Variants in ABRAXAS2 observed in about 807,000 individuals in gnomAD.
ABRAXAS2 encodes BRISC complex subunit Abraxas 2.
In ABRAXAS2, 23 loss-of-function variants were observed where a neutral mutation model predicts 49.0. The ratio of observed to expected loss-of-function variants is 0.47; its 90% CI spans 0.34 to 0.66. The LOEUF (loss-of-function observed/expected upper bound fraction) is 0.66, where lower values mean the gene tolerates loss of function less well. ABRAXAS2 is among the 30% of genes least tolerant of loss of function. The pLI, the probability that ABRAXAS2 is intolerant of heterozygous loss-of-function variation, is 0.01. For synonymous variants in ABRAXAS2, 168 were observed against 180.2 expected (o/e 0.93, Z 0.54); for missense variants, 443 against 511.9 (o/e 0.87, Z 1.30).
At position 124,834,556 on chromosome 10, in the gene ABRAXAS2, C is replaced by A. The variant is rs767502502; in HGVS notation, c.833C>A (p.Ala278Glu). 6.2e-7 allele frequency: 1 copy of A among 1,614,182 alleles called. No homozygotes were observed. Among genetic ancestry groups the A allele is most frequent in the Non-Finnish European group, 8.5e-7 (1 of 1,180,024 alleles). Residue 278 changes from alanine to glutamate, a missense_variant, in exon 9 of 9, where the codon GCG becomes GAG. By Grantham distance (107) the Ala-to-Glu change is moderately radical (BLOSUM62 -1). Coordinates refer to ENST00000298492, the MANE Select transcript of ABRAXAS2 (RefSeq NM_032182.4). ...RQMPSESLDPAFSPRMPSSGF... is the reference protein window; with the variant it reads ...RQMPSESLDPEFSPRMPSSGF... ...ATGCCGTCTGAAAGCTTGGACCCAG[C>A]GTTCAGTCCTCGGATGCCGTCCTCT... is the stretch of plus-strand genomic sequence containing the variant.
rs1002331242 is a variant in ABRAXAS2 at position 124,835,179 on chromosome 10, G to A, written c.*208G>A. ...GCAAGTTTCATGACAGAATCATTAA[G>A]ATAATCAAATTGTCCTAATTCTGGT... On this transcript the variant is annotated 3_prime_UTR_variant, in exon 9 of 9. Coordinates refer to ENST00000298492, the MANE Select transcript of ABRAXAS2 (RefSeq NM_032182.4). 1.3e-5 allele frequency: 6 copies of A among 465,412 alleles called. No homozygotes were observed. Among genetic ancestry groups the A allele is most frequent in the Admixed American group, 3.8e-5 (1 of 26,002 alleles). The allele number at this position is 465,412 out of a possible 1,614,324, so 28.8% of individuals were successfully genotyped here.
At chr10:124,828,898 A>G (rs1024804827) in intron 6 of ABRAXAS2, 23 bp downstream of exon 6, 8 of 1,605,878 alleles carry the variant, frequency 5.0e-6, no homozygotes, top group Non-Finnish European at 5.9e-6. Flanking sequence ...GTAAAGTGCT[A>G]GTTTTTTCTT....
intron 1 of ABRAXAS2, among the ~76,000 whole-genome samples, chr10:124,802,735 T>C (rs1227806835): frequency 1.3e-5 from 2 of 152,248 alleles, no homozygotes; most frequent in Admixed American, 1.3e-4. Context: ...TGGGGGATTA[T>C]TTTAAGTGAT....
chr10:124,802,547 C>T (rs1046609985), intron 1 of ABRAXAS2, among the ~76,000 whole-genome samples: 1 of 152,030 alleles, frequency 6.6e-6, no homozygotes, highest in Non-Finnish European at 1.5e-5. Context: ...AGTGACAGGC[C>T]CACTACTGAG....
chr10:124,829,276 CTG>C (rs1950915737), intron 6 of ABRAXAS2, 115 bp from the exon 7 acceptor site: 3 of 708,766 alleles, frequency 4.2e-6, no homozygotes, highest in Non-Finnish European at 7.4e-6. Context: ...TCCTTAAACA[CTG>C]TCACCTCGGA....
intron 3 of ABRAXAS2, 137 bp from the exon 4 acceptor site, chr10:124,819,247 C>A (rs781438473): frequency 1.7e-6 from 1 of 577,830 alleles, no homozygotes. Flanking sequence ...GGACTGATTT[C>A]TCTTTATTCA....
intron 3 of ABRAXAS2, among the ~76,000 whole-genome samples, chr10:124,818,067 C>T (rs991364870): frequency 6.6e-6 from 1 of 152,092 alleles, no homozygotes; most frequent in Non-Finnish European, 1.5e-5. Flanking sequence ...ATACTGTCAG[C>T]AAAGTAGTAC....
intron 3 of ABRAXAS2, among the ~76,000 whole-genome samples, chr10:124,818,314 T>C (rs1950838142): frequency 6.7e-6 from 1 of 149,438 alleles, no homozygotes; most frequent in Non-Finnish European, 1.5e-5. Flanking sequence ...GAGAATGGCA[T>C]GAACCTGGGA....
At chr10:124,803,508 T>G (rs1372194577) in intron 1 of ABRAXAS2, among the ~76,000 whole-genome samples, 1 of 151,858 alleles carries the variant, frequency 6.6e-6, no homozygotes, top group Non-Finnish European at 1.5e-5. Context: ...CAGGGCCAGA[T>G]AGTAAACTTT....
intron 5 of ABRAXAS2, among the ~76,000 whole-genome samples, chr10:124,828,124 C>T (rs114641968): frequency 0.01 from 1,575 of 152,270 alleles, 27 homozygotes; most frequent in African/African-American, 0.036. Context: ...GGTTTACCAA[C>T]GTCAGCAACT....
intron 3 of ABRAXAS2, among the ~76,000 whole-genome samples, chr10:124,817,689 C>G (rs1950834190): frequency 6.6e-6 from 1 of 152,234 alleles, no homozygotes; most frequent in South Asian, 2.1e-4. Context: ...TGTCAGCTGG[C>G]CCAAACACCT....
At chr10:124,825,799 G>T (rs1372963468) in intron 4 of ABRAXAS2, among the ~76,000 whole-genome samples, 1 of 152,154 alleles carries the variant, frequency 6.6e-6, no homozygotes, top group African/African-American at 2.4e-5. Flanking sequence ...GTATGCAAAA[G>T]AAAAATTCAG....
intron 6 of ABRAXAS2, 74 bp from the exon 7 acceptor site, chr10:124,829,319 G>A (rs1470932048): frequency 3.1e-6 from 3 of 969,112 alleles, no homozygotes; most frequent in Non-Finnish European, 4.9e-6. Context: ...AAGTGGAAGA[G>A]GCAGGAAAAA....
In ABRAXAS2 at chr10:124,835,907, T is replaced by G. The variant is rs1426769536; in HGVS notation, c.*936T>G. ...GAAAGACATTTAATAATAAACTGTT[T>G]GGGAATCTTGGTGAATAAAGATTCA... On this transcript the variant is annotated 3_prime_UTR_variant, in exon 9 of 9. Coordinates refer to ENST00000298492, the MANE Select transcript of ABRAXAS2 (RefSeq NM_032182.4). 1 of 152,668 alleles carries G rather than the reference T, an allele frequency of 6.6e-6. No individual in the cohort carries two copies. Among genetic ancestry groups the G allele is most frequent in the East Asian group, 1.9e-4 (1 of 5,198 alleles). The allele number at this position is 152,668 out of a possible 1,614,324, so 9.5% of individuals were successfully genotyped here. A position where few individuals can be genotyped will look rare whatever the true frequency, so the allele number is the denominator to read the frequency against.
intron 2 of ABRAXAS2, among the ~76,000 whole-genome samples, chr10:124,810,557 G>A (rs546709615): frequency 4.6e-5 from 7 of 150,836 alleles, no homozygotes; most frequent in Non-Finnish European, 1.0e-4. Context: ...GTGTAAGACG[G>A]TATAGTTAGT....
intron 7 of ABRAXAS2, among the ~76,000 whole-genome samples, chr10:124,829,955 C>A (rs1589810738): frequency 6.6e-6 from 1 of 152,246 alleles, no homozygotes; most frequent in South Asian, 2.1e-4. Context: ...ATGGAAACAT[C>A]TCCTGTGAGC....
intron 8 of ABRAXAS2, 62 bp from the exon 9 acceptor site, chr10:124,834,440 A>T (rs1950954514): frequency 7.0e-7 from 1 of 1,427,098 alleles, no homozygotes; most frequent in Admixed American, 2.0e-5. Context: ...GCCGTGTTAT[A>T]CATTGAGATG....
intron 8 of ABRAXAS2, among the ~76,000 whole-genome samples, chr10:124,831,837 C>T (rs1950934526): frequency 1.5e-5 from 2 of 132,104 alleles, no homozygotes; most frequent in Admixed American, 8.5e-5. Context: ...GGCACTGTGT[C>T]CTGTCTTTTT....
intron 2 of ABRAXAS2, among the ~76,000 whole-genome samples, chr10:124,807,357 A>G (rs1950752605): frequency 6.7e-6 from 1 of 150,244 alleles, no homozygotes; most frequent in Admixed American, 6.7e-5. Flanking sequence ...GTATGTAGAA[A>G]AAAACGAAAA....
Sources: gnomAD v4.1 joint callset for allele counts (sites outside exome capture counted in the v4.1 genomes callset) on GRCh38, gnomAD v4.1.1 for gene constraint, MANE v1.5 for transcripts, NCBI Gene and HGNC (gene_info 2026-07-23, HGNC 2026-07-21) for gene names.